MCCC2: variants seen among roughly 807,000 people sequenced by gnomAD.
The protein encoded by MCCC2 is methylcrotonoyl-CoA carboxylase beta chain, mitochondrial.
In MCCC2, 52 loss-of-function variants were observed where a neutral mutation model predicts 77.2. The observed-to-expected ratio is 0.67, with a 90% CI of 0.54 to 0.85. MCCC2 has a LOEUF of 0.85. Ranked by LOEUF, MCCC2 falls within the 40% of genes least tolerant of loss-of-function variation. The probability of loss-of-function intolerance (pLI) is 0.00; values close to 1 mark genes in which losing one functional copy is unlikely to be tolerated. For missense variants in MCCC2, 682 were observed against 703.2 expected (o/e 0.97, Z 0.34); for synonymous variants, 253 against 248.4 (o/e 1.02, Z -0.18).
intron 8 of MCCC2, among the ~76,000 whole-genome samples, chr5:71,634,234 A>G (rs1420133886): frequency 5.3e-5 from 8 of 152,242 alleles, no homozygotes; most frequent in East Asian, 1.9e-4. Context: ...ATAACAGGCC[A>G]TCTAATTGGG....
intron 5 of MCCC2, chr5:71,602,879 TG>T: frequency 5.6e-6 from 3 of 532,318 alleles, no homozygotes; most frequent in South Asian, 2.4e-5. Context: ...ATGTGTTGTG[TG>T]GTTTTTTTTT....
chr5:71,624,925 C>T (rs940013373), intron 6 of MCCC2, among the ~76,000 whole-genome samples: 1 of 151,834 alleles, frequency 6.6e-6, no homozygotes, highest in Non-Finnish European at 1.5e-5. Flanking sequence ...AACTCCTGGC[C>T]TCAAGTGATA....
In MCCC2 at chr5:71,587,514, C is replaced by T. The variant is rs1483894663; in HGVS notation, c.89C>T (p.Ser30Leu). ...PRAYHGDSVA[S>L]LGTQPDLGSA... ...GCCTATCACGGGGACTCGGTGGCCT[C>T]GCTGGGCACCCAGCCGGACTTGGGC... Residue 30 changes from serine (S) to leucine (L), a missense_variant, in exon 1 of 17, where the codon TCG becomes TTG. Coordinates refer to ENST00000340941, the MANE Select transcript of MCCC2 (RefSeq NM_022132.5). 5 of 1,538,214 alleles carry T rather than the reference C, an allele frequency of 3.3e-6. No individual in the cohort carries two copies. Among genetic ancestry groups the T allele is most frequent in the East Asian group, 2.4e-5 (1 of 41,066 alleles).
Position 71,587,417 on chromosome 5 carries a change from C to A in MCCC2, c.-9C>A. 6.5e-7 allele frequency: 1 copy of A among 1,533,552 alleles called. No homozygotes were observed. The highest frequency in any genetic ancestry group is 8.7e-7 in the Non-Finnish European group (1 of 1,145,944). 95.0% of individuals were successfully genotyped at this position (1,533,552 alleles called of 1,614,324 possible). On this transcript the variant is annotated 5_prime_UTR_variant, in exon 1 of 17. Transcript: ENST00000340941. ...GCGTGGGCCGCTCTCTCGCTCGGTG[C>A]CCGCCGCCATGTGGGCCGTCCTGAG... is the stretch of plus-strand genomic sequence containing the variant.
chr5:71,588,767 A>C (rs1744856957), intron 1 of MCCC2, among the ~76,000 whole-genome samples: 1 of 152,134 alleles, frequency 6.6e-6, no homozygotes, highest in African/African-American at 2.4e-5. Flanking sequence ...AGTTACAAGA[A>C]CATAGGTACT....
At chr5:71,648,009 A>G (rs1236709301) in intron 13 of MCCC2, among the ~76,000 whole-genome samples, 1 of 152,184 alleles carries the variant, frequency 6.6e-6, no homozygotes, top group African/African-American at 2.4e-5. Flanking sequence ...TGGGAATGTT[A>G]CAATGGAGTC....
chr5:71,591,591 C>T (rs1413211727), intron 1 of MCCC2, among the ~76,000 whole-genome samples: 2 of 152,038 alleles, frequency 1.3e-5, no homozygotes, highest in Non-Finnish European at 2.9e-5. Flanking sequence ...CAAGCACCAC[C>T]TTGCCTGGCT....
At chr5:71,613,565 G>T (rs1746047572) in intron 6 of MCCC2, among the ~76,000 whole-genome samples, 6 of 152,104 alleles carry the variant, frequency 3.9e-5, no homozygotes, top group Admixed American at 2.0e-4. Flanking sequence ...AGAGGCCAAG[G>T]CAGGAGGATT....
chr5:71,609,671 G>C (rs1025136762), intron 6 of MCCC2, among the ~76,000 whole-genome samples: 3 of 151,420 alleles, frequency 2.0e-5, no homozygotes, highest in Admixed American at 6.6e-5. Context: ...CAGTTTTTCT[G>C]TTCTGTTTTT....
chr5:71,604,154 G>T (rs1244540084), intron 5 of MCCC2, among the ~76,000 whole-genome samples: 1 of 152,144 alleles, frequency 6.6e-6, no homozygotes, highest in African/African-American at 2.4e-5. Flanking sequence ...CACAGAGGTG[G>T]GAAAGCCTGA....
chr5:71,614,481 TCTC>T (rs773338827), intron 6 of MCCC2, among the ~76,000 whole-genome samples: 102 of 121,166 alleles, frequency 8.4e-4, no homozygotes, highest in Non-Finnish European at 1.7e-3. Context: ...TCTCTCTCTC[TCTC>T]TTTTTTTTTT....
At chr5:71,633,881 G>A (rs961797110) in intron 8 of MCCC2, among the ~76,000 whole-genome samples, 2 of 152,154 alleles carry the variant, frequency 1.3e-5, no homozygotes, top group East Asian at 3.8e-4. Context: ...GTCATAACAT[G>A]ATAAAATGTT....
At chr5:71,624,882 C>T (rs1746486457) in intron 6 of MCCC2, among the ~76,000 whole-genome samples, 1 of 151,768 alleles carries the variant, frequency 6.6e-6, no homozygotes, top group Admixed American at 6.6e-5. Flanking sequence ...TTAGTAAATA[C>T]TGGGTTTCAC....
rs534472826 is a variant in MCCC2 at position 71,602,561 on chromosome 5, C to T, written c.439C>T (p.Pro147Ser). The stretch of plus-strand genomic sequence containing the variant: ...CACCGTCAAAGGAGGTGCCTACTAC[C>T]CAGTGACTGTGAAAAAACAATTACG... The part of the protein sequence containing the change: ...DATVKGGAYY[P>S]VTVKKQLRAQ... Residue 147 changes from proline (P) to serine (S), a missense_variant, in exon 5 of 17, where the codon CCA (proline) becomes TCA (serine). Coordinates refer to ENST00000340941, the MANE Select transcript of MCCC2 (RefSeq NM_022132.5). 5.0e-6 allele frequency: 8 copies of T among 1,614,082 alleles called. No individual in the cohort carries two copies. Among genetic ancestry groups the T allele is most frequent in the South Asian group, 3.3e-5 (3 of 91,080 alleles).
chr5:71,619,144 C>T (rs1477143119), intron 6 of MCCC2, among the ~76,000 whole-genome samples: 1 of 152,188 alleles, frequency 6.6e-6, no homozygotes, highest in Non-Finnish European at 1.5e-5. Context: ...CCTCCTCCTC[C>T]CCGCTTGCCT....
At chr5:71,607,341 T>C (rs922740520) in intron 6 of MCCC2, among the ~76,000 whole-genome samples, 11 of 152,134 alleles carry the variant, frequency 7.2e-5, no homozygotes, top group Admixed American at 2.6e-4. Flanking sequence ...CCATTTCTTC[T>C]AGATTTTCTA....
At chr5:71,609,880 G>GGGGGTCA (rs1183559027) in intron 6 of MCCC2, among the ~76,000 whole-genome samples, 2 of 151,990 alleles carry the variant, frequency 1.3e-5, no homozygotes, top group East Asian at 1.9e-4. Context: ...TAGGCTGCTC[G>GGGGGTCA]GGGGTCAGGG....
intron 6 of MCCC2, among the ~76,000 whole-genome samples, chr5:71,607,723 A>C (rs1228511623): frequency 6.7e-6 from 1 of 149,726 alleles, no homozygotes; most frequent in East Asian, 1.9e-4. Context: ...TAGTGCTATA[A>C]ATTTCCCTCT....
chr5:71,608,861 G>A (rs1745798691), intron 6 of MCCC2, among the ~76,000 whole-genome samples: 1 of 152,158 alleles, frequency 6.6e-6, no homozygotes. Flanking sequence ...ATTCTGGGTT[G>A]CAAATTCTTT....
Sources: gnomAD v4.1 joint callset for allele counts (sites outside exome capture counted in the v4.1 genomes callset) on GRCh38, gnomAD v4.1.1 for gene constraint, MANE v1.5 for transcripts, NCBI Gene and HGNC (gene_info 2026-07-23, HGNC 2026-07-21) for gene names.